Variants in QKI observed in about 807,000 individuals in gnomAD.
QKI encodes QKI, KH domain containing RNA binding, also known as KH domain-containing RNA-binding protein QKI.
In QKI, 10 loss-of-function variants were observed where a neutral mutation model predicts 39.0. The ratio of observed to expected loss-of-function variants is 0.26; its 90% CI spans 0.16 to 0.43. The LOEUF (loss-of-function observed/expected upper bound fraction) is 0.43. Among genes scored for constraint, QKI ranks in the 20% least tolerant of loss-of-function variants. QKI has a pLI of 1.00. For missense variants in QKI, 218 were observed against 428.0 expected, an observed-to-expected ratio of 0.51 and a Z score of 4.33; for synonymous variants, 204 against 155.4, an observed-to-expected ratio of 1.31 and a Z score of -2.33.
chr6:163,566,296 C>T (rs1783360158), intron 6 of QKI: 1 of 1,201,638 alleles, frequency 8.3e-7, no homozygotes, highest in African/African-American at 1.6e-5. Context: ...TTAAGAATTG[C>T]TTTTAAACCT....
chr6:163,565,219 T>C, intron 6 of QKI: 1 of 987,894 alleles, frequency 1.0e-6, no homozygotes, highest in Non-Finnish European at 1.2e-6. Flanking sequence ...CCTTGTTGTT[T>C]AAGTTTTCTT....
At chr6:163,555,661 G>A (rs1782545602) in intron 4 of QKI, among the ~76,000 whole-genome samples, 1 of 151,976 alleles carries the variant, frequency 6.6e-6, no homozygotes, top group East Asian at 1.9e-4. Context: ...TTTGACTAAT[G>A]CAAAACATTT....
intron 1 of QKI, among the ~76,000 whole-genome samples, chr6:163,417,975 T>A (rs1787668268): frequency 6.6e-6 from 1 of 152,154 alleles, no homozygotes; most frequent in African/African-American, 2.4e-5. Context: ...CTGAAGTCCA[T>A]CACATTTTTT....
intron 4 of QKI, among the ~76,000 whole-genome samples, chr6:163,541,307 CA>C (rs928611873): frequency 6.6e-6 from 1 of 151,976 alleles, no homozygotes; most frequent in Non-Finnish European, 1.5e-5. Context: ...TTGTTATGCT[CA>C]GTATGTATTT....
At chr6:163,426,401 T>C (rs527757422) in intron 1 of QKI, among the ~76,000 whole-genome samples, 4 of 152,242 alleles carry the variant, frequency 2.6e-5, no homozygotes, top group Non-Finnish European at 4.4e-5. Flanking sequence ...TACTTTGTTA[T>C]CTTACATCAG....
intron 1 of QKI, among the ~76,000 whole-genome samples, chr6:163,429,846 T>A (rs1193343270): frequency 2.6e-5 from 4 of 152,176 alleles, no homozygotes; most frequent in Admixed American, 1.3e-4. Flanking sequence ...TGCGATGTTA[T>A]GAGGGACACA....
intron 3 of QKI, among the ~76,000 whole-genome samples, chr6:163,532,363 G>C (rs991431612): frequency 5.9e-5 from 9 of 152,098 alleles, no homozygotes; most frequent in African/African-American, 1.4e-4. Context: ...ATTGATTGGG[G>C]GGGAGGTGGT....
At chr6:163,486,253 A>C (rs1164801426) in intron 3 of QKI, among the ~76,000 whole-genome samples, 1 of 152,246 alleles carries the variant, frequency 6.6e-6, no homozygotes, top group Non-Finnish European at 1.5e-5. Context: ...CAGTTGTACA[A>C]ATCATTCTTG....
chr6:163,512,868 A>G (rs1243744255), intron 3 of QKI, among the ~76,000 whole-genome samples: 1 of 152,134 alleles, frequency 6.6e-6, no homozygotes, highest in Non-Finnish European at 1.5e-5. Context: ...GTTTTAACTT[A>G]AGCATCTGGA....
chr6:163,477,347 A>G (rs558643771), intron 2 of QKI, among the ~76,000 whole-genome samples: 4 of 152,174 alleles, frequency 2.6e-5, no homozygotes, highest in Non-Finnish European at 5.9e-5. Context: ...CTGTTTTCAT[A>G]TTTGAGCTTG....
chr6:163,537,202 G>C (rs147976429), intron 4 of QKI, among the ~76,000 whole-genome samples: 37 of 152,220 alleles, frequency 2.4e-4, no homozygotes, highest in African/African-American at 2.4e-4. Context: ...TGTCCCTTAG[G>C]GGGGAAAAGA....
intron 6 of QKI, chr6:163,565,026 G>T: frequency 8.5e-7 from 1 of 1,171,338 alleles, no homozygotes; most frequent in South Asian, 2.9e-5. Context: ...TGTTATCTGT[G>T]TGTGTGCATG....
At chr6:163,444,792 A>AT (rs776406662) in intron 1 of QKI, among the ~76,000 whole-genome samples, 18 of 152,156 alleles carry the variant, frequency 1.2e-4, no homozygotes, top group East Asian at 3.9e-4. Flanking sequence ...ATTTTGAGTG[A>AT]TTTTTTTCCC....
intron 3 of QKI, among the ~76,000 whole-genome samples, chr6:163,486,800 A>G (rs1777712250): frequency 1.3e-5 from 2 of 152,168 alleles, no homozygotes; most frequent in South Asian, 2.1e-4. Context: ...TTGCTGCTTT[A>G]TAATCAACAT....
chr6:163,485,715 T>G (rs1777620399), intron 3 of QKI, among the ~76,000 whole-genome samples: 1 of 152,208 alleles, frequency 6.6e-6, no homozygotes, highest in East Asian at 1.9e-4. Flanking sequence ...CAGTCAGATG[T>G]TGCATCATCT....
chr6:163,535,998 A>G (rs929697854), intron 4 of QKI, among the ~76,000 whole-genome samples: 2 of 152,202 alleles, frequency 1.3e-5, no homozygotes, highest in Admixed American at 6.5e-5. Context: ...TGGCATTTAC[A>G]TAAATGAGTT....
At chr6:163,556,320 C>G (rs1782604375) in intron 4 of QKI, among the ~76,000 whole-genome samples, 1 of 152,050 alleles carries the variant, frequency 6.6e-6, no homozygotes, top group African/African-American at 2.4e-5. Context: ...CGAGACCAGC[C>G]TGACCAACAT....
At chr6:163,569,354 C>T in intron 7 of QKI, 1 of 1,204,566 alleles carries the variant, frequency 8.3e-7, no homozygotes, top group Non-Finnish European at 1.1e-6. Flanking sequence ...CTGAACATTA[C>T]ACCTTCTGGG....
At chr6:163,505,191 C>T (rs564716078) in intron 3 of QKI, among the ~76,000 whole-genome samples, 3 of 152,240 alleles carry the variant, frequency 2.0e-5, no homozygotes, top group Middle Eastern at 3.4e-3. Context: ...AGTATGGAAA[C>T]GCCTGGATGT....
Sources: gnomAD v4.1 joint callset for allele counts (sites outside exome capture counted in the v4.1 genomes callset) on GRCh38, gnomAD v4.1.1 for gene constraint, MANE v1.5 for transcripts, NCBI Gene and HGNC (gene_info 2026-07-23, HGNC 2026-07-21) for gene names.